The following CSNK2A1 variants were observed in gnomAD, a reference collection of about 807,000 sequenced individuals.
The protein encoded by CSNK2A1 is casein kinase II subunit alpha.
CSNK2A1 carries 10 observed loss-of-function variants against 62.9 expected under a neutral mutation model. The observed-to-expected ratio is 0.16, with a 90% CI of 0.10 to 0.27. The LOEUF (loss-of-function observed/expected upper bound fraction) is 0.27. Among genes scored for constraint, CSNK2A1 ranks in the 10% least tolerant of loss-of-function variants. The pLI, the probability that CSNK2A1 is intolerant of heterozygous loss-of-function variation, is 1.00. For missense variants in CSNK2A1, 160 were observed against 492.0 expected (o/e 0.33, Z 6.38); for synonymous variants, 124 against 167.8 (o/e 0.74, Z 2.02).
intron 8 of CSNK2A1, chr20:492,623 C>T (rs1370290119): frequency 4.5e-6 from 2 of 445,662 alleles, no homozygotes; most frequent in Non-Finnish European, 8.1e-6. Context: ...AATGTCCCTA[C>T]TACCCAGCCT....
intron 6 of CSNK2A1, chr20:498,316 G>GT (rs1432419513): frequency 7.2e-6 from 1 of 139,514 alleles, no homozygotes; most frequent in African/African-American, 2.6e-5. Context: ...GTTGCAGAAT[G>GT]TTTTTTACAT....
intron 9 of CSNK2A1, among the ~76,000 whole-genome samples, chr20:491,466 A>C (rs1027978832): frequency 6.6e-6 from 1 of 152,152 alleles, no homozygotes. Context: ...CAGGAGTTTG[A>C]GATCAGCCTG....
rs763864510 is a variant in CSNK2A1 at position 499,563 on chromosome 20, C to T, written c.316-258G>A. ...GCCCGACAATGCGCCCATCGCCCAT[C>T]GGCATCGGACCTGAGTTTGCAAAAT... On this transcript the variant is annotated intron_variant, in intron 5 of 13. Coordinates refer to ENST00000217244, the MANE Select transcript of CSNK2A1 (RefSeq NM_177559.3). The surrounding 1 kb of genome is among the most constrained non-coding windows in gnomAD (Gnocchi z 4.2). The T allele has an allele frequency of 2.9e-5, 16 of 551,078 alleles. 1 individual carries two copies. Among genetic ancestry groups the T allele is most frequent in the South Asian group, 5.4e-5 (2 of 36,988 alleles). The allele number at this position is 551,078 out of a possible 1,614,324, so 34.1% of individuals were successfully genotyped here. A position where few individuals can be genotyped will look rare whatever the true frequency, so the allele number is the denominator to read the frequency against.
At chr20:536,104 G>A (rs1366949103) in intron 1 of CSNK2A1, among the ~76,000 whole-genome samples, 1 of 151,664 alleles carries the variant, frequency 6.6e-6, no homozygotes, top group Non-Finnish European at 1.5e-5. Context: ...AATAGACACT[G>A]TACACGAGTA....
intron 1 of CSNK2A1, among the ~76,000 whole-genome samples, chr20:528,495 A>C (rs1224645451): frequency 6.6e-6 from 1 of 152,204 alleles, no homozygotes; most frequent in Non-Finnish European, 1.5e-5. Context: ...GGGTGACTGC[A>C]GCCTTGACCT....
rs951548053 is a variant in CSNK2A1 at position 481,033 on chromosome 20, CA to C, written c.*2927del. The C allele has an allele frequency of 2.0e-5, 3 of 152,166 alleles. No homozygotes were observed. The highest frequency in any genetic ancestry group is 4.4e-5 in the Non-Finnish European group (3 of 68,026). The allele number at this position is 152,166 out of a possible 1,614,324, so 9.4% of individuals were successfully genotyped here. ...CATTTCAAGTACAAGAAACAGAATT[CA>C]AAACGTGAAAACGGAGCCATCTATC... On this transcript the variant is annotated 3_prime_UTR_variant, in exon 14 of 14. Coordinates refer to ENST00000217244, the MANE Select transcript of CSNK2A1 (RefSeq NM_177559.3).
At position 499,496 on chromosome 20, in the gene CSNK2A1, A is replaced by C; in HGVS notation, c.316-191T>G. 1 of 560,594 alleles carries C rather than the reference A, an allele frequency of 1.8e-6. No individual in the cohort carries two copies. Among genetic ancestry groups the C allele is most frequent in the Non-Finnish European group, 3.1e-6 (1 of 324,002 alleles). The allele number at this position is 560,594 out of a possible 1,614,324, so 34.7% of individuals were successfully genotyped here. A position where few individuals can be genotyped will look rare whatever the true frequency, so the allele number is the denominator to read the frequency against. On this transcript the variant is annotated intron_variant, in intron 5 of 13. Coordinates refer to ENST00000217244, the MANE Select transcript of CSNK2A1 (RefSeq NM_177559.3). This position sits in a 1 kb window ranked among gnomAD's most constrained non-coding sequence, Gnocchi z 4.2. ...TTAGGTCATTTTTGGGATGGATTTC[A>C]AACAGAAGACATGGAGCTGAAGTCT... is the stretch of plus-strand genomic sequence containing the variant.
intron 2 of CSNK2A1, among the ~76,000 whole-genome samples, chr20:524,590 T>C (rs1232136477): frequency 7.5e-5 from 11 of 145,856 alleles, no homozygotes; most frequent in South Asian, 6.5e-4. Flanking sequence ...ATTAGCTGGG[T>C]GTGGTGGCGG....
chr20:487,978 G>A, intron 11 of CSNK2A1: 1 of 255,328 alleles, frequency 3.9e-6, no homozygotes, highest in Non-Finnish European at 7.7e-6. Context: ...CCTGTTGAGT[G>A]GTTAAGTGTA....
chr20:497,914 T>A lies in CSNK2A1; in HGVS notation c.367-134A>T. 8.7e-6 allele frequency: 6 copies of A among 685,810 alleles called. No individual in the cohort carries two copies. The South Asian group carries it at 1.0e-4, about 12-fold the overall frequency. 42.5% of individuals were successfully genotyped at this position (685,810 alleles called of 1,614,324 possible). A position where few individuals can be genotyped will look rare whatever the true frequency, so the allele number is the denominator to read the frequency against. On this transcript the variant is annotated intron_variant, in intron 6 of 13. Coordinates refer to ENST00000217244, the MANE Select transcript of CSNK2A1 (RefSeq NM_177559.3). ...AGATCTGTCCATTCACTGCCCTCTA[T>A]TTCTCCAACATTACATTAACTTTAA...
At chr20:536,307 ATT>A (rs1335033640) in intron 1 of CSNK2A1, among the ~76,000 whole-genome samples, 1 of 152,196 alleles carries the variant, frequency 6.6e-6, no homozygotes, top group Non-Finnish European at 1.5e-5. Flanking sequence ...CAATAAACAC[ATT>A]CTTTTCTCCG....
In CSNK2A1 at chr20:508,437, A is replaced by G. The variant is rs780717559; in HGVS notation, c.101+14T>C. 1 of 1,613,840 alleles carries G rather than the reference A, an allele frequency of 6.2e-7. No individual in the cohort carries two copies. Among genetic ancestry groups the G allele is most frequent in the Non-Finnish European group, 8.5e-7 (1 of 1,179,854 alleles). On this transcript the variant is annotated intron_variant, in intron 3 of 13. Coordinates refer to ENST00000217244, the MANE Select transcript of CSNK2A1 (RefSeq NM_177559.3). ...CCTTTGAGTGAGTATAATGAAGTCA[A>G]CAAAAACAATTACCCCCATTCCACC... is the stretch of plus-strand genomic sequence containing the variant.
intron 1 of CSNK2A1, among the ~76,000 whole-genome samples, chr20:529,678 A>C (rs994255728): frequency 6.6e-6 from 1 of 152,228 alleles, no homozygotes; most frequent in Non-Finnish European, 1.5e-5. Context: ...GGTAAGAACA[A>C]ATCTTCTATC....
chr20:498,270 G>A (rs1321356548), intron 6 of CSNK2A1: 1 of 151,854 alleles, frequency 6.6e-6, no homozygotes, highest in African/African-American at 2.4e-5. Context: ...AGTAAACTCT[G>A]AACAACTGTT....
rs1196359401 is a variant in CSNK2A1 at position 504,023 on chromosome 20, C to T, written c.213+1095G>A. ...TGAAACCCCGTCTCTATTAAAATTACAAAAATTAGCCGGGCATTGCTGGCG... is the reference window on the plus strand; with the variant it reads ...TGAAACCCCGTCTCTATTAAAATTATAAAAATTAGCCGGGCATTGCTGGCG... On this transcript the variant is annotated intron_variant, in intron 4 of 13. Coordinates refer to ENST00000217244, the MANE Select transcript of CSNK2A1 (RefSeq NM_177559.3). 3 of 157,506 alleles carry T rather than the reference C, an allele frequency of 1.9e-5. No homozygotes were observed. In the East Asian group the frequency reaches 5.3e-4, roughly 28 times the overall value. The allele number at this position is 157,506 out of a possible 1,614,324, so 9.8% of individuals were successfully genotyped here.
At chr20:493,218 C>T (rs572514004) in intron 8 of CSNK2A1, among the ~76,000 whole-genome samples, 1 of 152,260 alleles carries the variant, frequency 6.6e-6, no homozygotes, top group African/African-American at 2.4e-5. Context: ...TCAGACCTCA[C>T]ATTTAATCTG....
chr20:525,123 A>C (rs992534086), intron 2 of CSNK2A1, among the ~76,000 whole-genome samples: 1 of 152,116 alleles, frequency 6.6e-6, no homozygotes, highest in Non-Finnish European at 1.5e-5. Flanking sequence ...TCAATCAATA[A>C]ATTTTAAATA....
intron 2 of CSNK2A1, among the ~76,000 whole-genome samples, chr20:526,005 G>A (rs1388172419): frequency 5.3e-5 from 8 of 151,580 alleles, no homozygotes; most frequent in East Asian, 1.9e-4. Flanking sequence ...GCCCTGATTC[G>A]AAAATAAAAA....
At chr20:496,811 C>T (rs892659444) in intron 7 of CSNK2A1, 10 of 152,174 alleles carry the variant, frequency 6.6e-5, no homozygotes, top group African/African-American at 2.4e-4. Context: ...TTGGTGACCC[C>T]ACTTTAGAAA....
Sources: gnomAD v4.1 joint callset for allele counts (sites outside exome capture counted in the v4.1 genomes callset) on GRCh38, gnomAD v4.1.1 for gene constraint, Gnocchi (gnomAD v3.1) non-coding constraint, MANE v1.5 for transcripts, NCBI Gene and HGNC (gene_info 2026-07-23, HGNC 2026-07-21) for gene names.